RNF207: variants seen among roughly 807,000 people sequenced by gnomAD.
The protein encoded by RNF207 is ring finger protein 207, also known as OTTHUMG00000001089.
RNF207 carries 72 observed loss-of-function variants against 79.0 expected under a neutral mutation model. That is an observed-to-expected ratio of 0.91 (90% CI 0.75 to 1.11). RNF207 has a LOEUF of 1.11. Among genes scored for constraint, RNF207 ranks in the 50% least tolerant of loss-of-function variants. RNF207 has a pLI of 0.00. For synonymous variants in RNF207, 348 were observed against 366.2 expected (o/e 0.95, Z 0.57); for missense variants, 936 against 855.8 (o/e 1.09, Z -1.17).
intron 17 of RNF207, among the ~76,000 whole-genome samples, chr1:6,218,772 GAC>G (rs1557595409): frequency 6.6e-6 from 1 of 152,144 alleles, no homozygotes; most frequent in Non-Finnish European, 1.5e-5. Flanking sequence ...TAACACCTAC[GAC>G]ACAGTCACAG....
chr1:6,218,177 G>A (rs1359404219), intron 16 of RNF207, 112 bp from the exon 17 acceptor site: 4 of 700,096 alleles, frequency 5.7e-6, no homozygotes, highest in African/African-American at 1.8e-5. Flanking sequence ...AGAATGAAAC[G>A]CTAGGTGGGT....
In RNF207 at chr1:6,206,135, CAG is replaced by C. The variant is rs1054920157; in HGVS notation, c.-165_-164del. 34 of 180,232 alleles carry C rather than the reference CAG, an allele frequency of 1.9e-4. No individual in the cohort carries two copies. The highest frequency in any genetic ancestry group is 7.5e-4 in the African/African-American group (32 of 42,440). 11.2% of individuals were successfully genotyped at this position (180,232 alleles called of 1,614,324 possible). On this transcript the variant is annotated 5_prime_UTR_variant, in exon 1 of 18. Transcript: ENST00000377939. Reference sequence around the variant, plus strand: ...GGCCACGGCAGAGGGAGGCCCCGCGCAGAGTGGGAACCATCGCCCGGTGCGGG... The same window carrying C: ...GGCCACGGCAGAGGGAGGCCCCGCGCAGTGGGAACCATCGCCCGGTGCGGG...
intron 16 of RNF207, among the ~76,000 whole-genome samples, chr1:6,215,901 T>C (rs1197504711): frequency 6.6e-6 from 1 of 152,160 alleles, no homozygotes; most frequent in African/African-American, 2.4e-5. Context: ...TATCTGCTCA[T>C]ATTAGGAGTG....
At position 6,210,793 on chromosome 1, in the gene RNF207, C is replaced by A. The variant is rs1031046450; in HGVS notation, c.943-77C>A. On this transcript the variant is annotated intron_variant, in intron 10 of 17. Coordinates refer to ENST00000377939, the MANE Select transcript of RNF207 (RefSeq NM_207396.3). ...AAGTCAAGTGCCAAAGACAGACGTG[C>A]TCCGCCTCCATCTCCCCTCTTCCTG... is the stretch of plus-strand genomic sequence containing the variant. The A allele has an allele frequency of 1.1e-4, 141 of 1,301,288 alleles. No individual in the cohort carries two copies. In the African/African-American group the frequency reaches 1.7e-3, roughly 16 times the overall value. The allele number at this position is 1,301,288 out of a possible 1,614,324, so 80.6% of individuals were successfully genotyped here. A position where few individuals can be genotyped will look rare whatever the true frequency, so the allele number is the denominator to read the frequency against.
Position 6,214,455 on chromosome 1 carries a change from T to C in RNF207, c.1652+1272T>C, listed in dbSNP as rs566813842. Among the ~76,000 whole-genome samples, 6 of 151,770 alleles carry C rather than the reference T, an allele frequency of 4.0e-5. No homozygotes were observed. In the East Asian group the frequency reaches 9.7e-4, roughly 25 times the overall value. ...TCTTGCTCTGTTGCCGAGGCTGGAGTGCAGTGGCGCGATCTTGGCTCACTG... is the reference window on the plus strand; with the variant it reads ...TCTTGCTCTGTTGCCGAGGCTGGAGCGCAGTGGCGCGATCTTGGCTCACTG... On this transcript the variant is annotated intron_variant, in intron 16 of 17. Transcript: ENST00000377939.
intron 10 of RNF207, 59 bp downstream of exon 10, chr1:6,210,497 C>T: frequency 1.4e-6 from 2 of 1,387,276 alleles, no homozygotes; most frequent in Non-Finnish European, 2.0e-6. Context: ...CCCTGCAGAC[C>T]AAAGCCACCA....
chr1:6,209,666 T>G, intron 7 of RNF207, 127 bp downstream of exon 7: 1 of 1,221,804 alleles, frequency 8.2e-7, no homozygotes. Context: ...TTCCTGGAGT[T>G]GCTAGGAGAG....
chr1:6,207,609 C>T lies in RNF207; in HGVS notation c.324+98C>T. 5 of 1,368,134 alleles carry T rather than the reference C, an allele frequency of 3.7e-6. No individual in the cohort carries two copies. Among genetic ancestry groups the T allele is most frequent in the Non-Finnish European group, 5.0e-6 (5 of 991,686 alleles). The allele number at this position is 1,368,134 out of a possible 1,614,324, so 84.7% of individuals were successfully genotyped here. ...ACTCAGCATGTCTTCAGAGGACGAC[C>T]TGGCAGTGGATTCTCCAGCACCTCC... On this transcript the variant is annotated intron_variant, in intron 3 of 17. Transcript: ENST00000377939. The surrounding 1 kb of genome is among the most constrained non-coding windows in gnomAD (Gnocchi z 4.5).
Position 6,209,134 on chromosome 1 carries a change from C to A in RNF207, c.489C>A (p.Tyr163Ter), listed in dbSNP as rs921549501. 5 of 1,556,592 alleles carry A rather than the reference C, an allele frequency of 3.2e-6. No homozygotes were observed. The highest frequency in any genetic ancestry group is 3.3e-4 in the Middle Eastern group (2 of 5,982). ...PQKCTLHAEP[Y>*]LLFSTDKKLL... ...CCGCAGCGCTGCACGCAGAGCCCTA[C>A]CTCTTGTTCTCCACCGACAAGAAGT... The change falls in exon 5 of 18, where the codon TAC becomes TAA. Residue 163 changes from tyrosine (Y) to a stop codon, truncating the protein, a stop_gained. Coordinates refer to ENST00000377939, the MANE Select transcript of RNF207 (RefSeq NM_207396.3). LOFTEE classifies it high-confidence loss of function.
chr1:6,218,256 C>T (rs1487502937), intron 16 of RNF207, 33 bp from the exon 17 acceptor site: 28 of 1,539,340 alleles, frequency 1.8e-5, no homozygotes, highest in Non-Finnish European at 2.3e-5. Context: ...TGGCTCTGCT[C>T]CCTTGAGATT....
rs751553548 is a variant in RNF207, at chr1:6,206,553, C to A, written c.18C>A (p.Phe6Leu). The A allele has an allele frequency of 1.3e-6, 2 of 1,586,896 alleles. No homozygotes were observed. Among genetic ancestry groups the A allele is most frequent in the Admixed American group, 1.7e-5 (1 of 57,586 alleles). MSGAI[F>L]GPLEGPSSLD... ...CGCTGCAGATGTCGGGAGCTATCTTCGGGCCCCTGGAGGGCCCGAGCTCCC... is the reference window on the plus strand; with the variant it reads ...CGCTGCAGATGTCGGGAGCTATCTTAGGGCCCCTGGAGGGCCCGAGCTCCC... Residue 6 changes from phenylalanine (F) to leucine (L), a missense_variant, in exon 2 of 18, where the codon TTC (phenylalanine) becomes TTA (leucine). Phe to Leu is a conservative substitution (Grantham distance 22). Transcript: ENST00000377939.
rs1020265299 is a variant in RNF207 at position 6,207,955 on chromosome 1, G to T, written c.324+444G>T. On this transcript the variant is annotated intron_variant, in intron 3 of 17. Coordinates refer to ENST00000377939, the MANE Select transcript of RNF207 (RefSeq NM_207396.3). This position sits in a 1 kb window ranked among gnomAD's most constrained non-coding sequence, Gnocchi z 4.5. ...AGGGGACTCTGGCCTGCGGAGGCCA[G>T]AAAATGTATCGGGAATCCCAGGAGG... 5.4e-5 allele frequency: 18 copies of T among 333,072 alleles called. No individual in the cohort carries two copies. The highest frequency in any genetic ancestry group is 3.8e-4 in the African/African-American group (18 of 46,778). 20.6% of individuals were successfully genotyped at this position (333,072 alleles called of 1,614,324 possible). A position where few individuals can be genotyped will look rare whatever the true frequency, so the allele number is the denominator to read the frequency against.
Position 6,207,049 on chromosome 1 carries a change from T to C in RNF207, c.191+323T>C, listed in dbSNP as rs748457879. Reference sequence around the variant, plus strand: ...GCTTGGGGGTCCTAGAAGTCTTAGGTCCACAAAACCACAGTTTCAGTTATG... The same window carrying C: ...GCTTGGGGGTCCTAGAAGTCTTAGGCCCACAAAACCACAGTTTCAGTTATG... On this transcript the variant is annotated intron_variant, in intron 2 of 17. Transcript: ENST00000377939. This position sits in a 1 kb window ranked among gnomAD's most constrained non-coding sequence, Gnocchi z 4.5. Among the ~76,000 whole-genome samples, 2 of 152,110 alleles carry C rather than the reference T, an allele frequency of 1.3e-5. No individual in the cohort carries two copies. Among genetic ancestry groups the C allele is most frequent in the African/African-American group, 2.4e-5 (1 of 41,420 alleles).
At chr1:6,214,934 C>T (rs76580290) in intron 16 of RNF207, among the ~76,000 whole-genome samples, 6,765 of 151,292 alleles carry the variant, frequency 0.045, 479 homozygotes, top group African/African-American at 0.15. Flanking sequence ...GCCTCTTTTT[C>T]AATTTGTTGA....
Position 6,209,987 on chromosome 1 carries a change from G to A in RNF207, c.800+17G>A, listed in dbSNP as rs747933786. 2.5e-6 allele frequency: 4 copies of A among 1,571,000 alleles called. No homozygotes were observed. In the East Asian group the frequency reaches 9.0e-5, roughly 35 times the overall value. Reference sequence around the variant, plus strand: ...TGTGCAGAGGTGAGTTGGGGGGAGCGGGGCTTGCTTCCCTTACCCCTTGGC... The same window carrying A: ...TGTGCAGAGGTGAGTTGGGGGGAGCAGGGCTTGCTTCCCTTACCCCTTGGC... On this transcript the variant is annotated intron_variant, in intron 8 of 17. Coordinates refer to ENST00000377939, the MANE Select transcript of RNF207 (RefSeq NM_207396.3).
chr1:6,207,638 G>C lies in RNF207; in HGVS notation c.324+127G>C, dbSNP rs1297012826. On this transcript the variant is annotated intron_variant, in intron 3 of 17. Transcript: ENST00000377939. This position sits in a 1 kb window ranked among gnomAD's most constrained non-coding sequence, Gnocchi z 4.5. ...CAGTGGATTCTCCAGCACCTCCCTA[G>C]GGCACCTTGGCCCCAAATGTGAACC... The C allele has an allele frequency of 9.0e-7, 1 of 1,111,136 alleles. No homozygotes were observed. The highest frequency in any genetic ancestry group is 1.3e-6 in the Non-Finnish European group (1 of 758,008). 68.8% of individuals were successfully genotyped at this position (1,111,136 alleles called of 1,614,324 possible). A position where few individuals can be genotyped will look rare whatever the true frequency, so the allele number is the denominator to read the frequency against.
At chr1:6,213,428 C>T (rs951238737) in intron 16 of RNF207, among the ~76,000 whole-genome samples, 5 of 142,392 alleles carry the variant, frequency 3.5e-5, no homozygotes, top group African/African-American at 1.1e-4. Context: ...GGCTGAGGCA[C>T]GACAATCTAC....
intron 10 of RNF207, 84 bp downstream of exon 10, chr1:6,210,522 A>G (rs1223584689): frequency 1.8e-6 from 2 of 1,093,564 alleles, no homozygotes; most frequent in African/African-American, 1.5e-5. Flanking sequence ...AGGGGTGGGC[A>G]GCCTGTCACC....
Position 6,211,165 on chromosome 1 carries a change from G to C in RNF207, c.1109+47G>C. On this transcript the variant is annotated intron_variant, in intron 12 of 17. Transcript: ENST00000377939. This position sits in a 1 kb window ranked among gnomAD's most constrained non-coding sequence, Gnocchi z 4.2. ...CAGGCACAAGGTCCCCAACACTGGG[G>C]TGTGGGGGAGGGTGGGCGCTGAGGG... 1 of 1,355,886 alleles carries C rather than the reference G, an allele frequency of 7.4e-7. No individual in the cohort carries two copies. Among genetic ancestry groups the C allele is most frequent in the Non-Finnish European group, 1.0e-6 (1 of 990,438 alleles). 84.0% of individuals were successfully genotyped at this position (1,355,886 alleles called of 1,614,324 possible).
Sources: allele counts gnomAD v4.1 joint callset (sites outside exome capture counted in the v4.1 genomes callset), GRCh38; gene constraint gnomAD v4.1.1; non-coding constraint Gnocchi (gnomAD v3.1); transcripts MANE v1.5; gene names NCBI Gene and HGNC (gene_info 2026-07-23, HGNC 2026-07-21).